THAP2: variants seen among roughly 807,000 people sequenced by gnomAD.
THAP2 encodes THAP domain-containing protein 2.
A neutral mutation model predicts 18.8 loss-of-function variants in THAP2; 16 were observed. The observed-to-expected ratio is 0.85, with a 90% CI of 0.58 to 1.29. THAP2 has a LOEUF of 1.29. Ranked by LOEUF, THAP2 falls within the 50% of genes most tolerant of loss-of-function variation. The pLI is 0.00. For synonymous variants in THAP2, 80 were observed against 89.2 expected (o/e 0.90, Z 0.58); for missense variants, 251 against 265.3 (o/e 0.95, Z 0.38).
chr12:71,672,532 G>A (rs1230815792), intron 1 of THAP2, among the ~76,000 whole-genome samples: 2 of 151,892 alleles, frequency 1.3e-5, no homozygotes, highest in Non-Finnish European at 2.9e-5. Context: ...CAGCAATTGT[G>A]TACTCACATA....
At chr12:71,666,784 G>GA (rs1881350704) in intron 1 of THAP2, among the ~76,000 whole-genome samples, 1 of 151,958 alleles carries the variant, frequency 6.6e-6, no homozygotes. Context: ...ACCCAGGCTG[G>GA]AGTGCAATGG....
At chr12:71,667,803 A>G (rs576404153) in intron 1 of THAP2, 1 of 152,324 alleles carries the variant, frequency 6.6e-6, no homozygotes, top group Admixed American at 6.5e-5. Context: ...TCTAGTTTCA[A>G]GCTATCAATA....
At chr12:71,664,946 G>A in intron 1 of THAP2, 1 of 702,284 alleles carries the variant, frequency 1.4e-6, no homozygotes, top group Non-Finnish European at 2.6e-6. Context: ...AGCCTGCTGT[G>A]TTCCCGTTAA....
chr12:71,667,024 G>T (rs531991241), intron 1 of THAP2, among the ~76,000 whole-genome samples: 1 of 152,246 alleles, frequency 6.6e-6, no homozygotes, highest in East Asian at 1.9e-4. Flanking sequence ...AAGCCACCAC[G>T]CCTGGCCATT....
In THAP2 at chr12:71,677,138, C is replaced by T. The variant is rs1881534872; in HGVS notation, c.*30C>T. 8.1e-6 allele frequency: 12 copies of T among 1,476,966 alleles called. No homozygotes were observed. Among genetic ancestry groups the T allele is most frequent in the African/African-American group, 2.8e-5 (2 of 70,726 alleles). The allele number at this position is 1,476,966 out of a possible 1,614,324, so 91.5% of individuals were successfully genotyped here. A position where few individuals can be genotyped will look rare whatever the true frequency, so the allele number is the denominator to read the frequency against. ...AGCTTGCACAGAGCTTGATGCCTAT[C>T]CTTCATTCTTTTCAGAAGTAAAGAT... On this transcript the variant is annotated 3_prime_UTR_variant, in exon 3 of 3. Transcript: ENST00000308086.
At chr12:71,676,291 A>G (rs1355322665) in intron 2 of THAP2, among the ~76,000 whole-genome samples, 1 of 152,104 alleles carries the variant, frequency 6.6e-6, no homozygotes, top group Non-Finnish European at 1.5e-5. Flanking sequence ...TCAAATTGAG[A>G]AAAGGGTATT....
At chr12:71,672,072 T>C (rs1047433613) in intron 1 of THAP2, among the ~76,000 whole-genome samples, 1 of 152,218 alleles carries the variant, frequency 6.6e-6, no homozygotes, top group Admixed American at 6.5e-5. Flanking sequence ...AGAACTGATA[T>C]AAACCCAACT....
chr12:71,664,747 G>T, intron 1 of THAP2, 167 bp downstream of exon 1: 1 of 807,656 alleles, frequency 1.2e-6, no homozygotes. Context: ...ATTGTTCTCT[G>T]CTTTCGGGGA....
In THAP2 at chr12:71,679,490, A is replaced by G. The variant is rs1881569413; in HGVS notation, c.*2382A>G. The G allele has an allele frequency of 1.3e-5, 2 of 152,072 alleles. No individual in the cohort carries two copies. The highest frequency in any genetic ancestry group is 4.8e-5 in the African/African-American group (2 of 41,392). The allele number at this position is 152,072 out of a possible 1,614,324, so 9.4% of individuals were successfully genotyped here. On this transcript the variant is annotated 3_prime_UTR_variant, in exon 3 of 3. Coordinates refer to ENST00000308086, the MANE Select transcript of THAP2 (RefSeq NM_031435.4). The stretch of plus-strand genomic sequence containing the variant: ...CTCTGACCATAAACTAACTGAAATT[A>G]TAATGGATTTTTTTTCCTCTCCCGG...
chr12:71,667,712 A>T (rs1295537707), intron 1 of THAP2: 1 of 152,202 alleles, frequency 6.6e-6, no homozygotes, highest in African/African-American at 2.4e-5. Flanking sequence ...CTAAATATTT[A>T]ATAAATGTTC....
chr12:71,673,262 T>C (rs1034357222), intron 1 of THAP2, among the ~76,000 whole-genome samples: 7 of 152,196 alleles, frequency 4.6e-5, no homozygotes, highest in African/African-American at 1.7e-4. Flanking sequence ...ATATATTTTA[T>C]GTATTAATGA....
chr12:71,680,323 T>C lies in THAP2; in HGVS notation c.*3215T>C, dbSNP rs1881581160. The C allele has an allele frequency of 6.6e-6, 1 of 152,526 alleles. No individual in the cohort carries two copies. The highest frequency in any genetic ancestry group is 2.4e-5 in the African/African-American group (1 of 41,466). The allele number at this position is 152,526 out of a possible 1,614,324, so 9.4% of individuals were successfully genotyped here. On this transcript the variant is annotated 3_prime_UTR_variant, in exon 3 of 3. Transcript: ENST00000308086. ...TTCACATTATCCTTTGTTTAACGTA[T>C]GAACCAGGTTACTAAAATAGGATAA...
intron 1 of THAP2, among the ~76,000 whole-genome samples, chr12:71,669,018 T>G (rs1881389592): frequency 6.6e-6 from 1 of 152,186 alleles, no homozygotes; most frequent in Non-Finnish European, 1.5e-5. Context: ...ATAAAATCAT[T>G]GATTATTCAT....
chr12:71,676,547 TG>T (rs1349729021), intron 2 of THAP2, 141 bp from the exon 3 acceptor site: 1 of 752,770 alleles, frequency 1.3e-6, no homozygotes, highest in Admixed American at 3.5e-5. Context: ...TTACATGAGA[TG>T]GCTGCTGCTG....
chr12:71,667,998 T>G (rs945406235), intron 1 of THAP2: 5 of 152,262 alleles, frequency 3.3e-5, no homozygotes, highest in Non-Finnish European at 7.3e-5. Flanking sequence ...TATATTAGTT[T>G]AATTTTAATA....
chr12:71,672,648 A>G (rs567181616), intron 1 of THAP2, among the ~76,000 whole-genome samples: 3 of 150,214 alleles, frequency 2.0e-5, no homozygotes, highest in Non-Finnish European at 4.4e-5. Context: ...TTTTTTTTTT[A>G]CAGTGGTCCT....
At chr12:71,676,666 C>T (rs761389719) in intron 2 of THAP2, 23 bp from the exon 3 acceptor site, 54 of 1,551,748 alleles carry the variant, frequency 3.5e-5, no homozygotes, top group Non-Finnish European at 4.1e-5. Flanking sequence ...TTATGTTCAA[C>T]CCTCTAATTT....
intron 1 of THAP2, among the ~76,000 whole-genome samples, chr12:71,668,601 C>T (rs1881382634): frequency 6.6e-6 from 1 of 152,206 alleles, no homozygotes; most frequent in South Asian, 2.1e-4. Flanking sequence ...ATTTGATTCC[C>T]TACCTTCCCC....
rs1881488507 is a variant in THAP2 at position 71,674,323 on chromosome 12, A to T, written c.192A>T (p.Leu64=). 1.9e-6 allele frequency: 3 copies of T among 1,613,284 alleles called. No homozygotes were observed. In the African/African-American group the frequency reaches 4.0e-5, roughly 22 times the overall value. The change falls in exon 2 of 3, where the codon CTA becomes CTT. Residue 64 remains leucine, a synonymous_variant. Coordinates refer to ENST00000308086, the MANE Select transcript of THAP2 (RefSeq NM_031435.4). The part of the protein sequence containing the change: ...SKHFEASCFD[L]TGQTRRLKMD... ...ACTTTGAAGCCTCCTGTTTTGACCT[A>T]ACAGGACAAACTCGACGACTTAAAA...
Sources: allele counts gnomAD v4.1 joint callset (sites outside exome capture counted in the v4.1 genomes callset), GRCh38; gene constraint gnomAD v4.1.1; transcripts MANE v1.5; gene names NCBI Gene and HGNC (gene_info 2026-07-23, HGNC 2026-07-21).